The following GABRA2 variants were observed in gnomAD, a reference collection of about 807,000 sequenced individuals.
GABRA2 encodes the protein gamma-aminobutyric acid receptor subunit alpha-2.
In GABRA2, 16 loss-of-function variants were observed where a neutral mutation model predicts 48.7. The ratio of observed to expected loss-of-function variants is 0.33; its 90% CI spans 0.22 to 0.50. The LOEUF is 0.50. GABRA2 is among the 20% of genes least tolerant of loss of function. The probability of loss-of-function intolerance (pLI) is 0.98; values close to 1 mark genes in which losing one functional copy is unlikely to be tolerated. For missense variants in GABRA2, 275 were observed against 535.6 expected (o/e 0.51, Z 4.80); for synonymous variants, 185 against 184.5 (o/e 1.00, Z -0.02).
chr4:46,264,003 G>A (rs1163793695), intron 8 of GABRA2, among the ~76,000 whole-genome samples: 1 of 149,874 alleles, frequency 6.7e-6, no homozygotes, highest in East Asian at 2.0e-4. Flanking sequence ...ATTTCATACA[G>A]CAACATTCTA....
intron 4 of GABRA2, among the ~76,000 whole-genome samples, chr4:46,325,701 A>T (rs1730235604): frequency 6.6e-6 from 1 of 151,842 alleles, no homozygotes; most frequent in Admixed American, 6.6e-5. Context: ...GGATTCTTAT[A>T]GGTTGGGGTC....
chr4:46,331,708 C>T (rs1295120961), intron 4 of GABRA2, among the ~76,000 whole-genome samples: 1 of 152,096 alleles, frequency 6.6e-6, no homozygotes, highest in East Asian at 1.9e-4. Context: ...ATTTTCCTCA[C>T]TTATCTATCT....
chr4:46,377,868 G>A (rs1716092281), intron 3 of GABRA2, among the ~76,000 whole-genome samples: 1 of 149,374 alleles, frequency 6.7e-6, no homozygotes, highest in Non-Finnish European at 1.5e-5. Context: ...GGGGGGGTCA[G>A]CCCCCCGCCC....
chr4:46,259,139 G>A (rs1716439600), intron 9 of GABRA2, among the ~76,000 whole-genome samples: 1 of 151,820 alleles, frequency 6.6e-6, no homozygotes, highest in Non-Finnish European at 1.5e-5. Flanking sequence ...AATGGAACAG[G>A]TTTGAGAAAG....
rs1380044286 is a variant in GABRA2 at position 46,287,888 on chromosome 4, G to T, written c.856+15572C>A. On this transcript the variant is annotated intron_variant, in intron 8 of 9. Transcript: ENST00000381620. ...ACTGGCCAATCTACAAAATAAAGAGGTTTAATGGACTTACAGTTCCACTTG... is the reference window on the plus strand; with the variant it reads ...ACTGGCCAATCTACAAAATAAAGAGTTTTAATGGACTTACAGTTCCACTTG... Among the ~76,000 whole-genome samples, 13 of 152,176 alleles carry T rather than the reference G, an allele frequency of 8.5e-5. No homozygotes were observed. The East Asian group carries it at 2.5e-3, about 29-fold the overall frequency.
chr4:46,377,066 G>A (rs984155378), intron 3 of GABRA2, among the ~76,000 whole-genome samples: 2 of 152,068 alleles, frequency 1.3e-5, no homozygotes, highest in Admixed American at 1.3e-4. Flanking sequence ...GAGTGCAGTG[G>A]CGTGATCTCG....
chr4:46,389,675 C>T (rs1560620922), intron 1 of GABRA2, 60 bp downstream of exon 1: 6 of 929,830 alleles, frequency 6.5e-6, no homozygotes, highest in Admixed American at 6.2e-5. Flanking sequence ...ATGAGGCATG[C>T]ACGCGAGGCA....
chr4:46,288,957 C>A (rs552280738), intron 8 of GABRA2, among the ~76,000 whole-genome samples: 1 of 152,012 alleles, frequency 6.6e-6, no homozygotes, highest in Non-Finnish European at 1.5e-5. Context: ...ATGAAAAAAA[C>A]TTAACATCAT....
At chr4:46,330,227 T>C (rs1731099588) in intron 4 of GABRA2, among the ~76,000 whole-genome samples, 1 of 152,032 alleles carries the variant, frequency 6.6e-6, no homozygotes, top group Non-Finnish European at 1.5e-5. Flanking sequence ...AAGCATATCT[T>C]GAGTCTGCTA....
intron 3 of GABRA2, among the ~76,000 whole-genome samples, chr4:46,334,287 G>T (rs974296): frequency 6.6e-6 from 1 of 151,876 alleles, no homozygotes; most frequent in Admixed American, 6.6e-5. Context: ...ATTTTGGACT[G>T]GGCATCACAA....
At chr4:46,363,825 T>C (rs1713609323) in intron 3 of GABRA2, 2 of 152,118 alleles carry the variant, frequency 1.3e-5, no homozygotes, top group African/African-American at 2.4e-5. Flanking sequence ...GAATGTGTAG[T>C]TTTATTCAGT....
intron 4 of GABRA2, among the ~76,000 whole-genome samples, chr4:46,322,380 G>C (rs904834563): frequency 4.0e-5 from 6 of 151,834 alleles, no homozygotes; most frequent in African/African-American, 1.5e-4. Context: ...CACTCTCACA[G>C]CCTCCAAGGC....
intron 3 of GABRA2, among the ~76,000 whole-genome samples, chr4:46,377,223 T>G (rs1335392107): frequency 1.4e-5 from 2 of 141,570 alleles, no homozygotes; most frequent in African/African-American, 2.7e-5. Flanking sequence ...GAGCCCCTCT[T>G]CCTGGCTGCC....
At chr4:46,290,224 T>C (rs1404792692) in intron 8 of GABRA2, among the ~76,000 whole-genome samples, 1 of 151,992 alleles carries the variant, frequency 6.6e-6, no homozygotes, top group African/African-American at 2.4e-5. Context: ...AGTTTTGTCT[T>C]AAATTTTCAA....
intron 8 of GABRA2, among the ~76,000 whole-genome samples, chr4:46,270,035 G>C (rs1719026019): frequency 6.6e-6 from 1 of 151,858 alleles, no homozygotes; most frequent in African/African-American, 2.4e-5. Flanking sequence ...TAAAATGTAA[G>C]CCCAAATTAT....
chr4:46,360,273 C>G (rs531981603), intron 3 of GABRA2, among the ~76,000 whole-genome samples: 94 of 152,192 alleles, frequency 6.2e-4, no homozygotes, highest in Non-Finnish European at 1.1e-3. Context: ...GAAATCTCAT[C>G]TTGAATTGTA....
intron 8 of GABRA2, among the ~76,000 whole-genome samples, chr4:46,293,698 G>A (rs1364711818): frequency 6.6e-6 from 1 of 152,164 alleles, no homozygotes; most frequent in African/African-American, 2.4e-5. Context: ...TGGTGGAAAA[G>A]ACGAAATGTA....
intron 4 of GABRA2, among the ~76,000 whole-genome samples, chr4:46,316,444 G>A (rs1188710056): frequency 2.0e-5 from 3 of 152,092 alleles, no homozygotes; most frequent in East Asian, 3.9e-4. Flanking sequence ...TACAAATATA[G>A]GCAGCTGACA....
Position 46,249,068 on chromosome 4 carries a change from G to C in GABRA2, c.*1240C>G, listed in dbSNP as rs1398969217. 4 of 150,970 alleles carry C rather than the reference G, an allele frequency of 2.6e-5. No homozygotes were observed. Among genetic ancestry groups the C allele is most frequent in the Non-Finnish European group, 5.9e-5 (4 of 67,542 alleles). 9.4% of individuals were successfully genotyped at this position (150,970 alleles called of 1,614,324 possible). A position where few individuals can be genotyped will look rare whatever the true frequency, so the allele number is the denominator to read the frequency against. On this transcript the variant is annotated 3_prime_UTR_variant, in exon 10 of 10. Coordinates refer to ENST00000381620, the MANE Select transcript of GABRA2 (RefSeq NM_000807.4). The stretch of plus-strand genomic sequence containing the variant: ...TGTGTGTGTGTGTGTGTGTATGTTT[G>C]TGCACGTGAAATAATCCACAATCTA...
Sources: allele counts gnomAD v4.1 joint callset (sites outside exome capture counted in the v4.1 genomes callset), GRCh38; gene constraint gnomAD v4.1.1; transcripts MANE v1.5; gene names NCBI Gene and HGNC (gene_info 2026-07-23, HGNC 2026-07-21).